Variants in ATP2A2 observed in about 807,000 individuals in gnomAD.
ATP2A2 encodes ATPase sarcoplasmic/endoplasmic reticulum Ca2+ transporting 2.
Under a neutral mutation model 109.3 loss-of-function variants are expected in ATP2A2, and 14 were observed. The ratio of observed to expected loss-of-function variants is 0.13; its 90% CI spans 0.08 to 0.20. The LOEUF is 0.20. ATP2A2 is among the 10% of genes least tolerant of loss of function. The pLI is 1.00. For synonymous variants in ATP2A2, 506 were observed against 490.9 expected (o/e 1.03, Z -0.41); for missense variants, 657 against 1,321.6 (o/e 0.50, Z 7.80).
In ATP2A2 at chr12:110,281,741, C is replaced by G. The variant is rs1025169247; in HGVS notation, c.-49C>G. 3 of 1,367,204 alleles carry G rather than the reference C, an allele frequency of 2.2e-6. No individual in the cohort carries two copies. The Admixed American group carries it at 8.1e-5, about 37-fold the overall frequency. 84.7% of individuals were successfully genotyped at this position (1,367,204 alleles called of 1,614,324 possible). A position where few individuals can be genotyped will look rare whatever the true frequency, so the allele number is the denominator to read the frequency against. Reference sequence around the variant, plus strand: ...CCGCGGCCGGAGTGCGAGGCGGAGGCGAGGAGGCCGCGGGGACGGGAGGCG... The same window carrying G: ...CCGCGGCCGGAGTGCGAGGCGGAGGGGAGGAGGCCGCGGGGACGGGAGGCG... On this transcript the variant is annotated 5_prime_UTR_variant, in exon 1 of 20. Coordinates refer to ENST00000539276, the MANE Select transcript of ATP2A2 (RefSeq NM_170665.4).
At chr12:110,329,119 A>G (rs1878089235) in intron 8 of ATP2A2, among the ~76,000 whole-genome samples, 1 of 152,264 alleles carries the variant, frequency 6.6e-6, no homozygotes, top group Non-Finnish European at 1.5e-5. Context: ...CAGTACTTGC[A>G]TATAACCTTG....
At chr12:110,326,298 CA>C in intron 6 of ATP2A2, 91 bp from the exon 7 acceptor site, 2 of 1,179,742 alleles carry the variant, frequency 1.7e-6, no homozygotes, top group Non-Finnish European at 1.2e-6. Context: ...AACAGTATCC[CA>C]AGAGTGGTAA....
At chr12:110,282,125 G>C (rs1326191842) in intron 1 of ATP2A2, among the ~76,000 whole-genome samples, 2 of 152,062 alleles carry the variant, frequency 1.3e-5, no homozygotes, top group African/African-American at 4.8e-5. Context: ...CGACCTTTTC[G>C]GCGCGCAAGG....
chr12:110,309,602 A>T (rs1351262110), intron 5 of ATP2A2, among the ~76,000 whole-genome samples: 1 of 152,150 alleles, frequency 6.6e-6, no homozygotes, highest in Non-Finnish European at 1.5e-5. Context: ...AAAAACATGG[A>T]GAAAATAACC....
chr12:110,335,962 T>TA (rs1317497625), intron 11 of ATP2A2, among the ~76,000 whole-genome samples: 1 of 152,332 alleles, frequency 6.6e-6, no homozygotes, highest in Admixed American at 6.5e-5. Context: ...TACACTATCT[T>TA]AGAGTGAATA....
At chr12:110,333,067 A>G in intron 9 of ATP2A2, 114 bp from the exon 10 acceptor site, 1 of 944,976 alleles carries the variant, frequency 1.1e-6, no homozygotes, top group Non-Finnish European at 1.7e-6. Context: ...TTTTTCCAGT[A>G]TGTTGTCCCA....
Position 110,347,510 on chromosome 12 carries a change from T to A in ATP2A2, c.*1040T>A, listed in dbSNP as rs1411914629. ...TACAGGCACTAATTGTCATCTGTGA[T>A]GTACATTTTATGCAAGTTTCTGCTG... is the stretch of plus-strand genomic sequence containing the variant. On this transcript the variant is annotated 3_prime_UTR_variant, in exon 20 of 20. Coordinates refer to ENST00000539276, the MANE Select transcript of ATP2A2 (RefSeq NM_170665.4). The A allele has an allele frequency of 3.6e-5, 47 of 1,288,882 alleles. No individual in the cohort carries two copies. Among genetic ancestry groups the A allele is most frequent in the African/African-American group, 4.6e-5 (3 of 65,844 alleles). The allele number at this position is 1,288,882 out of a possible 1,614,324, so 79.8% of individuals were successfully genotyped here.
At chr12:110,341,303 A>G (rs1879331070) in intron 14 of ATP2A2, among the ~76,000 whole-genome samples, 3 of 152,108 alleles carry the variant, frequency 2.0e-5, no homozygotes, top group Admixed American at 1.3e-4. Context: ...GGATGTAATC[A>G]GTCAGTTGTT....
At chr12:110,280,903 C>G (rs1423542927), upstream of ATP2A2, 1 of 152,460 alleles carries the variant, frequency 6.6e-6, no homozygotes, top group Non-Finnish European at 1.5e-5. Flanking sequence ...CGCCTTCCAA[C>G]CATCCGCCCA....
In ATP2A2 at chr12:110,342,730, G is replaced by A. The variant is rs1429592328; in HGVS notation, c.2318+282G>A. Among the ~76,000 whole-genome samples, 1 of 151,986 alleles carries A rather than the reference G, an allele frequency of 6.6e-6. No individual in the cohort carries two copies. Among genetic ancestry groups the A allele is most frequent in the Non-Finnish European group, 1.5e-5 (1 of 67,962 alleles). ...TGAAATTCTTGCCCTCCAAAAGTTGGCTTTATCTCAGTCAGCTTAATAATT... is the reference window on the plus strand; with the variant it reads ...TGAAATTCTTGCCCTCCAAAAGTTGACTTTATCTCAGTCAGCTTAATAATT... On this transcript the variant is annotated intron_variant, in intron 15 of 19. Coordinates refer to ENST00000539276, the MANE Select transcript of ATP2A2 (RefSeq NM_170665.4). This position sits in a 1 kb window ranked among gnomAD's most constrained non-coding sequence, Gnocchi z 4.6.
At position 110,320,777 on chromosome 12, in the gene ATP2A2, TGA is replaced by T. The variant is rs141728820; in HGVS notation, c.464-2212_464-2211del. ...AAATGCAAGGGTGATCTTTGCCTGT[TGA>T]GATTATATATTGACAAACTGTGCCG... is the stretch of plus-strand genomic sequence containing the variant. On this transcript the variant is annotated intron_variant, in intron 5 of 19. Coordinates refer to ENST00000539276, the MANE Select transcript of ATP2A2 (RefSeq NM_170665.4). 8.0e-3 allele frequency among the ~76,000 whole-genome samples: 1,226 copies of T among 152,344 alleles called. 23 individuals carry two copies. Among genetic ancestry groups the T allele is most frequent in the African/African-American group, 0.028 (1,153 of 41,580 alleles).
chr12:110,325,557 G>A lies in ATP2A2; in HGVS notation c.545-833G>A, dbSNP rs562757586. Among the ~76,000 whole-genome samples, 12 of 151,982 alleles carry A rather than the reference G, an allele frequency of 7.9e-5. No individual in the cohort carries two copies. In the South Asian group the frequency reaches 1.5e-3, roughly 18 times the overall value. On this transcript the variant is annotated intron_variant, in intron 6 of 19. Transcript: ENST00000539276. ...GCTGAGGCTGGAAAATTGCCCGGGA[G>A]GCAGAGGTTTCAGTAAGCCAAGATT... is the stretch of plus-strand genomic sequence containing the variant.
rs1371538543 is a variant in ATP2A2, at chr12:110,327,015, C to T, written c.631-538C>T. On this transcript the variant is annotated intron_variant, in intron 7 of 19. Coordinates refer to ENST00000539276, the MANE Select transcript of ATP2A2 (RefSeq NM_170665.4). The surrounding 1 kb of genome is among the most constrained non-coding windows in gnomAD (Gnocchi z 4.4). ...GTTTGTATGAGAACCTGACTACTACCCATAGTAAGTAAATAGAGGTACCCT... is the reference window on the plus strand; with the variant it reads ...GTTTGTATGAGAACCTGACTACTACTCATAGTAAGTAAATAGAGGTACCCT... Among the ~76,000 whole-genome samples, 1 of 152,108 alleles carries T rather than the reference C, an allele frequency of 6.6e-6. No individual in the cohort carries two copies. The highest frequency in any genetic ancestry group is 1.5e-5 in the Non-Finnish European group (1 of 68,012).
intron 8 of ATP2A2, chr12:110,329,654 G>A (rs1485614238): frequency 1.3e-5 from 2 of 151,950 alleles, no homozygotes; most frequent in East Asian, 1.9e-4. Flanking sequence ...GCGACCTCAA[G>A]TGATCCACCC....
chr12:110,314,484 A>G (rs986533579), intron 5 of ATP2A2, among the ~76,000 whole-genome samples: 2 of 152,254 alleles, frequency 1.3e-5, no homozygotes, highest in African/African-American at 4.8e-5. Flanking sequence ...CGAAGATGTT[A>G]ACCCTGTAAC....
At chr12:110,338,696 A>C (rs1879072608) in intron 11 of ATP2A2, among the ~76,000 whole-genome samples, 1 of 152,126 alleles carries the variant, frequency 6.6e-6, no homozygotes, top group South Asian at 2.1e-4. Flanking sequence ...GATCCACTGC[A>C]CCCGACCACC....
chr12:110,296,414 GT>G, intron 4 of ATP2A2, 184 bp from the exon 5 acceptor site: 1 of 791,936 alleles, frequency 1.3e-6, no homozygotes, highest in Admixed American at 2.4e-5. Flanking sequence ...TTAACGTTTC[GT>G]TTTTAATACA....
At position 110,350,907 on chromosome 12, in the gene ATP2A2, T is replaced by C. The variant is rs1031459629; in HGVS notation, c.*4437T>C. 1 of 154,450 alleles carries C rather than the reference T, an allele frequency of 6.5e-6. No homozygotes were observed. The highest frequency in any genetic ancestry group is 2.4e-5 in the African/African-American group (1 of 41,472). The allele number at this position is 154,450 out of a possible 1,614,324, so 9.6% of individuals were successfully genotyped here. A position where few individuals can be genotyped will look rare whatever the true frequency, so the allele number is the denominator to read the frequency against. On this transcript the variant is annotated 3_prime_UTR_variant, in exon 20 of 20. Transcript: ENST00000539276. Reference sequence around the variant, plus strand: ...ACTTATTTAATGAAATCAGAAGCAGTAGACAGATGTTGGTGCAATACAAAT... The same window carrying C: ...ACTTATTTAATGAAATCAGAAGCAGCAGACAGATGTTGGTGCAATACAAAT...
intron 5 of ATP2A2, among the ~76,000 whole-genome samples, chr12:110,318,608 G>A (rs111997394): frequency 1.4e-3 from 212 of 152,166 alleles, no homozygotes; most frequent in African/African-American, 4.9e-3. Flanking sequence ...CAAGTAGCTG[G>A]GATTGCAGGC....
Sources: allele counts gnomAD v4.1 joint callset (sites outside exome capture counted in the v4.1 genomes callset), GRCh38; gene constraint gnomAD v4.1.1; non-coding constraint Gnocchi (gnomAD v3.1); transcripts MANE v1.5; gene names NCBI Gene and HGNC (gene_info 2026-07-23, HGNC 2026-07-21).